RBPJ: variants seen among roughly 807,000 people sequenced by gnomAD.
RBPJ encodes the protein recombining binding protein suppressor of hairless.
A neutral mutation model predicts 67.8 loss-of-function variants in RBPJ; 9 were observed. The ratio of observed to expected loss-of-function variants is 0.13; its 90% CI spans 0.08 to 0.23. RBPJ has a LOEUF of 0.23. Ranked by LOEUF, RBPJ falls within the 10% of genes least tolerant of loss-of-function variation. The pLI is 1.00. For synonymous variants in RBPJ, 198 were observed against 203.3 expected (o/e 0.97, Z 0.22); for missense variants, 305 against 595.6 (o/e 0.51, Z 5.08).
intron 2 of RBPJ, among the ~76,000 whole-genome samples, chr4:26,404,515 C>T (rs894865252): frequency 2.0e-5 from 3 of 152,162 alleles, no homozygotes; most frequent in East Asian, 1.9e-4. Context: ...TATTCACTGC[C>T]GTGGCTCACC....
chr4:26,229,048 C>A (rs1719183544), intron 1 of RBPJ, among the ~76,000 whole-genome samples: 1 of 152,178 alleles, frequency 6.6e-6, no homozygotes, highest in African/African-American at 2.4e-5. Flanking sequence ...TAAAAAGTAC[C>A]CATGACTATA....
chr4:26,348,464 C>T (rs1255112101), intron 1 of RBPJ, among the ~76,000 whole-genome samples: 1 of 152,156 alleles, frequency 6.6e-6, no homozygotes, highest in Non-Finnish European at 1.5e-5. Context: ...GTGGCACATA[C>T]ATCAATTTCT....
At chr4:26,328,028 A>G (rs1189103065) in intron 1 of RBPJ, among the ~76,000 whole-genome samples, 1 of 152,204 alleles carries the variant, frequency 6.6e-6, no homozygotes, top group African/African-American at 2.4e-5. Flanking sequence ...GTTTGCATAA[A>G]TAGAACAAAG....
At chr4:26,111,575 T>C in the RBPJ span, among the ~76,000 whole-genome samples, 1,835 of 152,254 alleles carry the variant, frequency 0.012, 18 homozygotes, top group Non-Finnish European at 0.019. Flanking sequence ...TGCATGTGCA[T>C]CCCTGGCTTC....
At chr4:26,258,520 C>T (rs1413092446) in intron 1 of RBPJ, among the ~76,000 whole-genome samples, 4 of 152,314 alleles carry the variant, frequency 2.6e-5, no homozygotes, top group African/African-American at 7.2e-5. Flanking sequence ...CAGGGAACAC[C>T]TCTGGGTTCA....
rs558777985 is a variant in RBPJ at position 26,434,436 on chromosome 4, T to A, written c.*3429T>A. 5 of 152,204 alleles carry A rather than the reference T, an allele frequency of 3.3e-5. No homozygotes were observed. The highest frequency in any genetic ancestry group is 7.2e-5 in the African/African-American group (3 of 41,574). The allele number at this position is 152,204 out of a possible 1,614,324, so 9.4% of individuals were successfully genotyped here. A position where few individuals can be genotyped will look rare whatever the true frequency, so the allele number is the denominator to read the frequency against. On this transcript the variant is annotated 3_prime_UTR_variant, in exon 11 of 11. Transcript: ENST00000355476. ...TGTTCAGTTAGTAACCAAGTTACTT[T>A]GATTGCAAAAGCAGCTGTGTTTCTG...
intron 1 of RBPJ, among the ~76,000 whole-genome samples, chr4:26,191,210 T>TATATATATATAGAG (rs1364457297): frequency 3.7e-5 from 1 of 26,840 alleles, no homozygotes; most frequent in Non-Finnish European, 6.2e-5. Flanking sequence ...TATATATATA[T>TATATATATATAGAG]AGAGAGAGAG....
chr4:26,394,079 T>C (rs1320893964), intron 2 of RBPJ, among the ~76,000 whole-genome samples: 6 of 150,682 alleles, frequency 4.0e-5, no homozygotes, highest in African/African-American at 1.5e-4. Flanking sequence ...CAGGCTGGAG[T>C]GCAGTGGCGC....
chr4:26,376,289 C>T (rs1451727647), intron 1 of RBPJ, among the ~76,000 whole-genome samples: 1 of 152,166 alleles, frequency 6.6e-6, no homozygotes, highest in African/African-American at 2.4e-5. Flanking sequence ...TCTCCATTCT[C>T]CCTTCCCCCC....
intron 1 of RBPJ, among the ~76,000 whole-genome samples, chr4:26,352,703 A>AAAC (rs960026722): frequency 3.9e-5 from 6 of 152,228 alleles, no homozygotes; most frequent in South Asian, 2.1e-4. Flanking sequence ...ACTCTGTCTC[A>AAAC]AACAACAACA....
intron 3 of RBPJ, 114 bp downstream of exon 3, chr4:26,406,384 CAAAATAAA>C: frequency 6.1e-6 from 4 of 658,424 alleles, no homozygotes; most frequent in Non-Finnish European, 8.1e-6. Context: ...TTTGCTAGTA[CAAAATAAA>C]AAATAGGGGA....
At chr4:26,377,352 G>A (rs556352342) in intron 1 of RBPJ, among the ~76,000 whole-genome samples, 2 of 152,290 alleles carry the variant, frequency 1.3e-5, no homozygotes, top group African/African-American at 4.8e-5. Flanking sequence ...CATGCACTTA[G>A]CCTGTATGAT....
the RBPJ span, chr4:26,112,544 C>CT: frequency 0.28 from 28,376 of 101,992 alleles, 4,667 homozygotes; most frequent in East Asian, 0.69. Flanking sequence ...AGGAGGCAGC[C>CT]TTTTTTTTTT....
At chr4:26,216,241 C>G (rs1362995244) in intron 1 of RBPJ, among the ~76,000 whole-genome samples, 1 of 152,090 alleles carries the variant, frequency 6.6e-6, no homozygotes, top group Non-Finnish European at 1.5e-5. Context: ...GTTAATTACT[C>G]CTGCAAAGAC....
Position 26,210,727 on chromosome 4 carries a change from C to CTTTA in RBPJ, c.-167+47113_-167+47114insTTTA, listed in dbSNP as rs1718371547. Among the ~76,000 whole-genome samples the CTTTA allele has an allele frequency of 1.5e-4, 9 of 61,772 alleles. 1 individual carries two copies. Among genetic ancestry groups the CTTTA allele is most frequent in the African/African-American group, 1.8e-4 (3 of 16,376 alleles). 40.5% of individuals were successfully genotyped at this position (61,772 alleles called of 152,430 possible). ...TCTTTCCTTCTTTCCTTCTTTCTTTCCTTCTTTACTTCTTTCCTTCTTTCC... is the reference window on the plus strand; with the variant it reads ...TCTTTCCTTCTTTCCTTCTTTCTTTCTTTACTTCTTTACTTCTTTCCTTCTTTCC... On this transcript the variant is annotated intron_variant, in intron 1 of 4. Transcript: ENST00000512351.
In RBPJ at chr4:26,244,150, CAT is replaced by C. The variant is rs779236802; in HGVS notation, c.-167+80541_-167+80542del. 1.3e-3 allele frequency among the ~76,000 whole-genome samples: 190 copies of C among 140,968 alleles called. 2 individuals are homozygous for C. The highest frequency in any genetic ancestry group is 4.6e-3 in the African/African-American group (179 of 38,818). The allele number at this position is 140,968 out of a possible 152,430, so 92.5% of individuals were successfully genotyped here. On this transcript the variant is annotated intron_variant, in intron 1 of 4. Transcript: ENST00000512351. The stretch of plus-strand genomic sequence containing the variant: ...TAAAATGTATATATATATGTGTACA[CAT>C]ATATGTATATATATATGTATACACA...
chr4:26,175,375 G>A (rs889096656), intron 1 of RBPJ, among the ~76,000 whole-genome samples: 2 of 151,538 alleles, frequency 1.3e-5, no homozygotes, highest in Non-Finnish European at 2.9e-5. Context: ...GGGAGCTTGA[G>A]CTGGGGGGGG....
At chr4:26,407,852 C>T (rs35386485) in intron 3 of RBPJ, among the ~76,000 whole-genome samples, 2 of 143,824 alleles carry the variant, frequency 1.4e-5, no homozygotes, top group Non-Finnish European at 1.5e-5. Flanking sequence ...CTGACTAGAT[C>T]TGAGCTGAAA....
rs1553848908 is a variant in RBPJ at position 26,209,098 on chromosome 4, AAT to A, written c.-167+45500_-167+45501del. Among the ~76,000 whole-genome samples, 241 of 146,992 alleles carry A rather than the reference AAT, an allele frequency of 1.6e-3. 3 individuals are homozygous for A. Among genetic ancestry groups the A allele is most frequent in the African/African-American group, 5.8e-3 (234 of 40,146 alleles). The stretch of plus-strand genomic sequence containing the variant: ...ATAACCAGCATTACAGAAGAAAAAA[AAT>A]ATATATATATATATAAAAGCATTTA... On this transcript the variant is annotated intron_variant, in intron 1 of 4. Coordinates refer to the RBPJ transcript ENST00000512351.
Sources: gnomAD v4.1 joint callset for allele counts (sites outside exome capture counted in the v4.1 genomes callset) on GRCh38, gnomAD v4.1.1 for gene constraint, MANE v1.5 for transcripts, NCBI Gene and HGNC (gene_info 2026-07-23, HGNC 2026-07-21) for gene names.